Variants in MARCHF1 observed in about 807,000 individuals in gnomAD.
The protein encoded by MARCHF1 is membrane associated ring-CH-type finger 1, also known as E3 ubiquitin-protein ligase MARCHF1.
A neutral mutation model predicts 54.2 loss-of-function variants in MARCHF1; 40 were observed. That is an observed-to-expected ratio of 0.74 (90% CI 0.57 to 0.96). The LOEUF (loss-of-function observed/expected upper bound fraction) is 0.96. Ranked by LOEUF, MARCHF1 falls within the 40% of genes least tolerant of loss-of-function variation. The probability of loss-of-function intolerance (pLI) is 0.00; values close to 1 mark genes in which losing one functional copy is unlikely to be tolerated. For synonymous variants in MARCHF1, 236 were observed against 236.3 expected, an observed-to-expected ratio of 1.00 and a Z score of 0.01; for missense variants, 586 against 656.5, an observed-to-expected ratio of 0.89 and a Z score of 1.17.
intron 4 of MARCHF1, among the ~76,000 whole-genome samples, chr4:163,842,929 G>A (rs1016916575): frequency 2.6e-5 from 4 of 151,888 alleles, no homozygotes; most frequent in South Asian, 2.1e-4. Context: ...ATTGTGTGTC[G>A]TTGATGCGTG....
chr4:163,955,099 A>G (rs1484301068), intron 3 of MARCHF1, among the ~76,000 whole-genome samples: 1 of 151,732 alleles, frequency 6.6e-6, no homozygotes, highest in Non-Finnish European at 1.5e-5. Context: ...TGGAGGTGGA[A>G]TGTATGTTTC....
chr4:164,373,484 A>G (rs1731098205), intron 1 of MARCHF1, among the ~76,000 whole-genome samples: 1 of 147,376 alleles, frequency 6.8e-6, no homozygotes, highest in Admixed American at 7.1e-5. Context: ...CCTCCCCAGT[A>G]GCTAGGATTA....
intron 4 of MARCHF1, among the ~76,000 whole-genome samples, chr4:163,793,204 G>C (rs1334104157): frequency 6.6e-6 from 1 of 152,192 alleles, no homozygotes; most frequent in Non-Finnish European, 1.5e-5. Context: ...AGAGATGCAA[G>C]TTGCCACGGC....
intron 4 of MARCHF1, among the ~76,000 whole-genome samples, chr4:163,789,934 G>T (rs1298828096): frequency 6.6e-6 from 1 of 152,004 alleles, no homozygotes; most frequent in African/African-American, 2.4e-5. Flanking sequence ...TATAAATATT[G>T]TGTCTGTCAA....
chr4:163,820,127 A>G (rs186377991), intron 4 of MARCHF1, among the ~76,000 whole-genome samples: 63 of 152,154 alleles, frequency 4.1e-4, no homozygotes, highest in Non-Finnish European at 6.3e-4. Context: ...TCTCTAGAGT[A>G]TGCCAATCTG....
At chr4:164,061,339 C>T (rs568715722) in intron 2 of MARCHF1, among the ~76,000 whole-genome samples, 2 of 151,426 alleles carry the variant, frequency 1.3e-5, no homozygotes, top group South Asian at 4.2e-4. Flanking sequence ...TTCATCAATT[C>T]TTTGATTCAT....
intron 1 of MARCHF1, chr4:164,188,282 T>C (rs1731026927): frequency 3.3e-6 from 1 of 303,352 alleles, no homozygotes; most frequent in Non-Finnish European, 6.4e-6. Context: ...CTGGGGTGTT[T>C]CGCAATTGTG....
chr4:163,952,583 C>T (rs909977628), intron 3 of MARCHF1, among the ~76,000 whole-genome samples: 11 of 152,164 alleles, frequency 7.2e-5, no homozygotes, highest in African/African-American at 2.7e-4. Context: ...ATTAATGAGA[C>T]ATTCACCACT....
intron 4 of MARCHF1, among the ~76,000 whole-genome samples, chr4:163,721,822 T>A (rs1190838293): frequency 6.6e-6 from 1 of 152,032 alleles, no homozygotes; most frequent in Non-Finnish European, 1.5e-5. Flanking sequence ...TGCGTAGAGG[T>A]GTTTGTGGTA....
In MARCHF1 at chr4:163,526,261, G is replaced by A. The variant is rs1187849038; in HGVS notation, c.*2487C>T. The A allele has an allele frequency of 6.6e-6, 1 of 151,970 alleles. No individual in the cohort carries two copies. Among genetic ancestry groups the A allele is most frequent in the Non-Finnish European group, 1.5e-5 (1 of 67,944 alleles). The allele number at this position is 151,970 out of a possible 1,614,324, so 9.4% of individuals were successfully genotyped here. A position where few individuals can be genotyped will look rare whatever the true frequency, so the allele number is the denominator to read the frequency against. On this transcript the variant is annotated 3_prime_UTR_variant, in exon 10 of 10. Transcript: ENST00000514618. ...TAATAAATGAGGCTTTATTTTAGCC[G>A]ATCATCCTCCACTGTGAAATCAGCC...
At chr4:164,306,730 A>T (rs1368299067) in intron 1 of MARCHF1, among the ~76,000 whole-genome samples, 2 of 152,198 alleles carry the variant, frequency 1.3e-5, no homozygotes, top group Non-Finnish European at 1.5e-5. Context: ...GCAAATTTTT[A>T]AAAAACTGGC....
intron 4 of MARCHF1, among the ~76,000 whole-genome samples, chr4:163,843,149 G>C (rs1749389429): frequency 6.6e-6 from 1 of 152,088 alleles, no homozygotes; most frequent in Non-Finnish European, 1.5e-5. Context: ...AATTCACTAA[G>C]GATAATGGCC....
chr4:163,696,203 T>C (rs1217102309), intron 5 of MARCHF1, among the ~76,000 whole-genome samples: 1 of 152,180 alleles, frequency 6.6e-6, no homozygotes, highest in Non-Finnish European at 1.5e-5. Context: ...ATTCAAAGTA[T>C]AATTGCTGTT....
At chr4:163,531,410 T>TA (rs977753809) in intron 9 of MARCHF1, among the ~76,000 whole-genome samples, 15 of 151,766 alleles carry the variant, frequency 9.9e-5, no homozygotes, top group African/African-American at 3.6e-4. Context: ...TTTGACAAAA[T>TA]ACGACGCTCA....
chr4:163,870,568 G>A (rs1041105002), intron 3 of MARCHF1, among the ~76,000 whole-genome samples: 3 of 152,062 alleles, frequency 2.0e-5, no homozygotes, highest in Non-Finnish European at 4.4e-5. Flanking sequence ...TGACGTGATG[G>A]TAAAGCAAAG....
chr4:164,045,962 C>T (rs933048177), intron 2 of MARCHF1, among the ~76,000 whole-genome samples: 4 of 152,260 alleles, frequency 2.6e-5, no homozygotes, highest in South Asian at 2.1e-4. Context: ...TTCATGGATG[C>T]TGGCAGAAGA....
At chr4:163,586,822 G>A (rs1233900677) in intron 7 of MARCHF1, among the ~76,000 whole-genome samples, 1 of 152,134 alleles carries the variant, frequency 6.6e-6, no homozygotes, top group African/African-American at 2.4e-5. Flanking sequence ...TCTTACCAAT[G>A]TGGAAAAATT....
intron 1 of MARCHF1, among the ~76,000 whole-genome samples, chr4:164,335,573 C>A (rs1360977802): frequency 7.8e-6 from 1 of 127,446 alleles, no homozygotes; most frequent in East Asian, 2.4e-4. Flanking sequence ...CAAAGCGAGA[C>A]TCCATCTCAA....
intron 1 of MARCHF1, among the ~76,000 whole-genome samples, chr4:164,280,873 T>A (rs1734008811): frequency 1.3e-5 from 2 of 152,144 alleles, no homozygotes; most frequent in African/African-American, 4.8e-5. Flanking sequence ...TTAGTTGTAA[T>A]TTTATAGTTC....
Sources: allele counts gnomAD v4.1 joint callset (sites outside exome capture counted in the v4.1 genomes callset), GRCh38; gene constraint gnomAD v4.1.1; transcripts MANE v1.5; gene names NCBI Gene and HGNC (gene_info 2026-07-23, HGNC 2026-07-21).